The following SNTG2 variants were observed in gnomAD, a reference collection of about 807,000 sequenced individuals.
SNTG2 encodes syntrophin gamma 2, also known as gamma-2-syntrophin.
A neutral mutation model predicts 70.9 loss-of-function variants in SNTG2; 74 were observed. That is an observed-to-expected ratio of 1.04 (90% CI 0.86 to 1.27). The LOEUF (loss-of-function observed/expected upper bound fraction) is 1.27. Among genes scored for constraint, SNTG2 ranks in the 50% most tolerant of loss-of-function variants. SNTG2 has a pLI of 0.00. For synonymous variants in SNTG2, 278 were observed against 273.8 expected, an observed-to-expected ratio of 1.02 and a Z score of -0.15; for missense variants, 717 against 690.7, an observed-to-expected ratio of 1.04 and a Z score of -0.43.
At chr2:1,017,420 C>T (rs779181185) in intron 1 of SNTG2, among the ~76,000 whole-genome samples, 8 of 152,144 alleles carry the variant, frequency 5.3e-5, no homozygotes, top group African/African-American at 9.7e-5. Context: ...CATGGAGCTA[C>T]GTGTACACAT....
intron 8 of SNTG2, among the ~76,000 whole-genome samples, chr2:1,193,872 A>C (rs2147946984): frequency 6.6e-6 from 1 of 152,314 alleles, no homozygotes; most frequent in African/African-American, 2.4e-5. Context: ...ACAACTTCTC[A>C]CTGTTATTAA....
intron 11 of SNTG2, among the ~76,000 whole-genome samples, chr2:1,246,186 C>T (rs1352994291): frequency 6.6e-6 from 1 of 152,200 alleles, no homozygotes; most frequent in Admixed American, 6.5e-5. Context: ...TCGTATTCAA[C>T]ACTGAAAACC....
At chr2:1,272,698 AGCGG>A (rs1242681139) in intron 14 of SNTG2, among the ~76,000 whole-genome samples, 7 of 112,944 alleles carry the variant, frequency 6.2e-5, no homozygotes, top group African/African-American at 2.2e-4. Context: ...CACCCCAGGG[AGCGG>A]GTGCAGAAAG....
intron 16 of SNTG2, among the ~76,000 whole-genome samples, chr2:1,350,353 T>G (rs1327690057): frequency 6.6e-6 from 1 of 152,182 alleles, no homozygotes; most frequent in East Asian, 1.9e-4. Flanking sequence ...AGTGTCACTG[T>G]GTGAATGGAG....
intron 1 of SNTG2, among the ~76,000 whole-genome samples, chr2:996,681 T>TTTTTTTTTTTTTTTTTTTG (rs1661696253): frequency 8.4e-6 from 1 of 119,440 alleles, no homozygotes; most frequent in African/African-American, 3.5e-5. Context: ...CAGTTTTTTT[T>TTTTTTTTTTTTTTTTTTTG]TTTTTTTTTT....
chr2:1,269,241 T>C (rs539903604), intron 14 of SNTG2, among the ~76,000 whole-genome samples: 13 of 152,288 alleles, frequency 8.5e-5, no homozygotes, highest in Admixed American at 2.6e-4. Flanking sequence ...CGGTGGTTCA[T>C]GCCTGTAATC....
At chr2:1,272,272 C>T (rs1167612338) in intron 14 of SNTG2, among the ~76,000 whole-genome samples, 1 of 151,580 alleles carries the variant, frequency 6.6e-6, no homozygotes, top group Admixed American at 6.6e-5. Context: ...GAAAGATCCT[C>T]AGGCATTAGG....
intron 13 of SNTG2, among the ~76,000 whole-genome samples, chr2:1,261,243 C>CA (rs1238579265): frequency 6.6e-6 from 1 of 152,106 alleles, no homozygotes; most frequent in Non-Finnish European, 1.5e-5. Context: ...TGATGTTTAT[C>CA]ATTTAGCATA....
chr2:1,255,098 A>G (rs1677976771), intron 12 of SNTG2, among the ~76,000 whole-genome samples: 2 of 152,322 alleles, frequency 1.3e-5, no homozygotes, highest in East Asian at 3.9e-4. Flanking sequence ...TGACTGCATT[A>G]GGGAGCCCTG....
At chr2:1,161,027 A>G (rs1670237977) in intron 6 of SNTG2, 1 of 152,328 alleles carries the variant, frequency 6.6e-6, no homozygotes. Context: ...CTTACCTGTC[A>G]GAGTTTGACA....
chr2:1,238,886 C>T (rs1676862304), intron 10 of SNTG2, among the ~76,000 whole-genome samples: 1 of 152,236 alleles, frequency 6.6e-6, no homozygotes, highest in African/African-American at 2.4e-5. Context: ...CTGCCCTGCC[C>T]ACCACCTCAC....
At chr2:1,023,445 C>T (rs947441121) in intron 1 of SNTG2, among the ~76,000 whole-genome samples, 1 of 152,050 alleles carries the variant, frequency 6.6e-6, no homozygotes, top group African/African-American at 2.4e-5. Flanking sequence ...TCAGAATGTG[C>T]AAATAGTTGA....
intron 2 of SNTG2, among the ~76,000 whole-genome samples, chr2:1,089,074 C>T (rs1487023774): frequency 1.3e-5 from 2 of 152,206 alleles, no homozygotes; most frequent in African/African-American, 4.8e-5. Context: ...GAAATTCATA[C>T]CTTCAGGAGA....
intron 4 of SNTG2, among the ~76,000 whole-genome samples, chr2:1,119,244 T>C (rs1301433439): frequency 1.3e-5 from 2 of 152,262 alleles, no homozygotes; most frequent in East Asian, 3.9e-4. Flanking sequence ...GCTGATGGAT[T>C]TCATAATCAC....
At chr2:1,184,268 C>G (rs2147921488) in intron 8 of SNTG2, among the ~76,000 whole-genome samples, 1 of 152,266 alleles carries the variant, frequency 6.6e-6, no homozygotes, top group Non-Finnish European at 1.5e-5. Context: ...CCCAAGTTAT[C>G]CGTAATTTAA....
chr2:1,284,487 C>G (rs1429167290), intron 14 of SNTG2, among the ~76,000 whole-genome samples: 1 of 152,180 alleles, frequency 6.6e-6, no homozygotes, highest in African/African-American at 2.4e-5. Context: ...TCCAACGTAT[C>G]ACAGTCAAGC....
chr2:1,319,590 G>A lies in SNTG2; in HGVS notation c.1488+3215G>A, dbSNP rs548255818. 3.9e-5 allele frequency among the ~76,000 whole-genome samples: 6 copies of A among 152,316 alleles called. No individual in the cohort carries two copies. In the South Asian group the frequency reaches 8.3e-4, roughly 21 times the overall value. On this transcript the variant is annotated intron_variant, in intron 16 of 16. Transcript: ENST00000308624. ...GCAGTGACCCGAGGGCCCTGGGCAC[G>A]TCGCTTGGGCCCCTCAGCTCCCTGG...
intron 16 of SNTG2, among the ~76,000 whole-genome samples, chr2:1,358,322 A>C (rs1660960346): frequency 1.3e-5 from 2 of 151,868 alleles, no homozygotes; most frequent in Admixed American, 1.3e-4. Flanking sequence ...TCTTAGTTTT[A>C]TTGAGTTTTG....
intron 1 of SNTG2, among the ~76,000 whole-genome samples, chr2:1,078,697 T>C (rs1664085419): frequency 6.6e-6 from 1 of 152,110 alleles, no homozygotes; most frequent in African/African-American, 2.4e-5. Context: ...CGCCCAGCTG[T>C]GACCTTAAGA....
Sources: allele counts gnomAD v4.1 joint callset (sites outside exome capture counted in the v4.1 genomes callset), GRCh38; gene constraint gnomAD v4.1.1; transcripts MANE v1.5; gene names NCBI Gene and HGNC (gene_info 2026-07-23, HGNC 2026-07-21).